The following PTPRZ1 variants were observed in gnomAD, a reference collection of about 807,000 sequenced individuals.
PTPRZ1 encodes protein tyrosine phosphatase receptor type Z1, also known as receptor-type tyrosine-protein phosphatase zeta.
In PTPRZ1, 82 loss-of-function variants were observed where a neutral mutation model predicts 214.1. The observed-to-expected ratio is 0.38, with a 90% CI of 0.32 to 0.46. The LOEUF is 0.46. Ranked by LOEUF, PTPRZ1 falls within the 20% of genes least tolerant of loss-of-function variation. The probability of loss-of-function intolerance (pLI) is 1.00; values close to 1 mark genes in which losing one functional copy is unlikely to be tolerated. For missense variants in PTPRZ1, 2,603 were observed against 2,748.7 expected (o/e 0.95, Z 1.19); for synonymous variants, 945 against 987.9 (o/e 0.96, Z 0.81).
chr7:121,970,005 A>T (rs1014434858), intron 3 of PTPRZ1, among the ~76,000 whole-genome samples: 1 of 134,986 alleles, frequency 7.4e-6, no homozygotes, highest in Non-Finnish European at 1.5e-5. Flanking sequence ...CCTGTGTCCA[A>T]GTGTTCTCAT....
At chr7:122,026,995 A>G (rs1032503599) in intron 13 of PTPRZ1, among the ~76,000 whole-genome samples, 5 of 152,226 alleles carry the variant, frequency 3.3e-5, no homozygotes, top group Non-Finnish European at 7.3e-5. Context: ...TTATATTCTG[A>G]TAAGAAGAGA....
At chr7:122,001,825 C>CT (rs1334489502) in intron 10 of PTPRZ1, among the ~76,000 whole-genome samples, 1 of 152,068 alleles carries the variant, frequency 6.6e-6, no homozygotes, top group East Asian at 1.9e-4. Context: ...AATGTGAATT[C>CT]TAAGTGTTCA....
At chr7:121,895,618 T>A (rs1794763527) in intron 1 of PTPRZ1, among the ~76,000 whole-genome samples, 1 of 152,196 alleles carries the variant, frequency 6.6e-6, no homozygotes, top group Non-Finnish European at 1.5e-5. Context: ...TTTATGAATC[T>A]TCTAGTGTTA....
At chr7:122,026,952 A>G (rs985358538) in intron 13 of PTPRZ1, among the ~76,000 whole-genome samples, 1 of 152,178 alleles carries the variant, frequency 6.6e-6, no homozygotes, top group Non-Finnish European at 1.5e-5. Flanking sequence ...TAACACTGCA[A>G]TGATTGAGAC....
At chr7:121,987,056 G>T (rs966137329) in intron 8 of PTPRZ1, among the ~76,000 whole-genome samples, 1 of 152,122 alleles carries the variant, frequency 6.6e-6, no homozygotes, top group East Asian at 1.9e-4. Context: ...CGCTTATATT[G>T]TATATCCTTA....
chr7:122,044,441 A>G lies in PTPRZ1; in HGVS notation c.5957A>G (p.His1986Arg), dbSNP rs1799820272. Residue 1986 changes from histidine (H) to arginine (R), a missense_variant, in exon 23 of 30, where the codon CAT (histidine) becomes CGT (arginine). Physicochemically the swap from His to Arg is conservative, Grantham distance 29. This residue lies in a region of PTPRZ1 where 1,913 missense variants were observed against 1,914.3 expected (regional missense o/e 1.00). Coordinates refer to ENST00000393386, the MANE Select transcript of PTPRZ1 (RefSeq NM_002851.3). ...TGCCAGGAGCAATATGTCTTCATTC[A>G]TGATACACTGGTTGAGGCCATACTT... ...VQTEEQYVFIHDTLVEAILSK... is the reference protein window; with the variant it reads ...VQTEEQYVFIRDTLVEAILSK... The G allele has an allele frequency of 6.2e-7, 1 of 1,613,876 alleles. No homozygotes were observed. Among genetic ancestry groups the G allele is most frequent in the Non-Finnish European group, 8.5e-7 (1 of 1,179,784 alleles).
At chr7:121,907,030 C>T (rs1795136111) in intron 1 of PTPRZ1, among the ~76,000 whole-genome samples, 1 of 151,986 alleles carries the variant, frequency 6.6e-6, no homozygotes, top group Non-Finnish European at 1.5e-5. Context: ...GAATTAAAAA[C>T]AAGTCTCTTA....
Position 122,039,582 on chromosome 7 carries a change from A to T in PTPRZ1, c.5631A>T (p.Ile1877=). The T allele has an allele frequency of 6.2e-7, 1 of 1,612,972 alleles. No individual in the cohort carries two copies. Among genetic ancestry groups the T allele is most frequent in the Non-Finnish European group, 8.5e-7 (1 of 1,179,670 alleles). ...VRNFTLRNTK[I]KKGSQKGRPS... ...ATTTTACTCTAAGAAACACAAAAAT[A>T]AAAAAGGTGAGTCAACAAAATGATG... The change falls in exon 20 of 30, where the codon ATA becomes ATT. Residue 1877 remains isoleucine (I), a synonymous_variant. Coordinates refer to ENST00000393386, the MANE Select transcript of PTPRZ1 (RefSeq NM_002851.3).
At chr7:121,986,020 A>G (rs1797754280) in intron 8 of PTPRZ1, among the ~76,000 whole-genome samples, 1 of 152,228 alleles carries the variant, frequency 6.6e-6, no homozygotes, top group Admixed American at 6.5e-5. Flanking sequence ...AGTTATACTT[A>G]ATGGGTGCTT....
At chr7:121,918,320 A>G (rs377062732) in intron 1 of PTPRZ1, among the ~76,000 whole-genome samples, 14 of 152,326 alleles carry the variant, frequency 9.2e-5, no homozygotes, top group Non-Finnish European at 1.3e-4. Context: ...AATTAAAATA[A>G]GACTATTTCA....
chr7:121,920,021 G>T (rs1037966228), intron 1 of PTPRZ1, among the ~76,000 whole-genome samples: 1 of 152,088 alleles, frequency 6.6e-6, no homozygotes, highest in African/African-American at 2.4e-5. Flanking sequence ...TTCCATTGAA[G>T]AATGTAGTAG....
At chr7:121,881,708 C>T (rs898725273) in intron 1 of PTPRZ1, among the ~76,000 whole-genome samples, 3 of 152,122 alleles carry the variant, frequency 2.0e-5, no homozygotes. Context: ...TGGTGATTGA[C>T]CTCATAGTCT....
chr7:121,949,470 A>G (rs1796489990), intron 2 of PTPRZ1, among the ~76,000 whole-genome samples: 1 of 152,212 alleles, frequency 6.6e-6, no homozygotes, highest in Admixed American at 6.5e-5. Context: ...ACTCATCTAT[A>G]TTATCATATT....
At chr7:121,927,568 A>C (rs1447399526) in intron 1 of PTPRZ1, among the ~76,000 whole-genome samples, 1 of 152,288 alleles carries the variant, frequency 6.6e-6, no homozygotes, top group East Asian at 1.9e-4. Flanking sequence ...TAACTCAAGC[A>C]TCTCTGTTCC....
chr7:121,967,890 A>C, intron 2 of PTPRZ1, 61 bp from the exon 3 acceptor site: 2 of 1,254,652 alleles, frequency 1.6e-6, no homozygotes, highest in African/African-American at 3.1e-5. Context: ...ACTATAATGT[A>C]AAGTTTAATT....
At chr7:121,962,292 C>T (rs2116491909) in intron 2 of PTPRZ1, among the ~76,000 whole-genome samples, 1 of 151,832 alleles carries the variant, frequency 6.6e-6, no homozygotes, top group East Asian at 2.0e-4. Flanking sequence ...ACTAAAAATA[C>T]AAAAAGTTAG....
At chr7:121,973,533 A>G (rs182406751) in intron 4 of PTPRZ1, among the ~76,000 whole-genome samples, 3 of 152,330 alleles carry the variant, frequency 2.0e-5, no homozygotes, top group Admixed American at 1.3e-4. Context: ...TAAATTATTT[A>G]ACTTACCAAT....
intron 1 of PTPRZ1, among the ~76,000 whole-genome samples, chr7:121,904,039 A>G (rs562659317): frequency 5.9e-5 from 9 of 152,100 alleles, no homozygotes; most frequent in African/African-American, 2.2e-4. Context: ...TTGAACAAAA[A>G]GTTCAAATTA....
chr7:122,017,329 A>C (rs973996948), intron 12 of PTPRZ1, among the ~76,000 whole-genome samples: 1 of 152,146 alleles, frequency 6.6e-6, no homozygotes, highest in African/African-American at 2.4e-5. Flanking sequence ...TAGGATTAAC[A>C]TTTTAAAAAA....
Sources: gnomAD v4.1 joint callset for allele counts (sites outside exome capture counted in the v4.1 genomes callset) on GRCh38, gnomAD v4.1.1 for gene constraint, gnomAD v4.1.1 regional missense constraint, MANE v1.5 for transcripts, NCBI Gene and HGNC (gene_info 2026-07-23, HGNC 2026-07-21) for gene names.